The following GMEB2 variants were observed in gnomAD, a reference collection of about 807,000 sequenced individuals.
GMEB2 encodes glucocorticoid modulatory element binding protein 2.
A neutral mutation model predicts 45.7 loss-of-function variants in GMEB2; 7 were observed. The observed-to-expected ratio is 0.15, with a 90% CI of 0.09 to 0.29. The LOEUF (loss-of-function observed/expected upper bound fraction) is 0.29. Ranked by LOEUF, GMEB2 falls within the 10% of genes least tolerant of loss-of-function variation. The pLI, the probability that GMEB2 is intolerant of heterozygous loss-of-function variation, is 1.00. For missense variants in GMEB2, 582 were observed against 739.2 expected (o/e 0.79, Z 2.47); for synonymous variants, 322 against 323.6 (o/e 1.00, Z 0.05).
At chr20:63,616,802 T>C (rs766248957) in intron 2 of GMEB2, among the ~76,000 whole-genome samples, 4 of 152,210 alleles carry the variant, frequency 2.6e-5, no homozygotes, top group Non-Finnish European at 4.4e-5. Flanking sequence ...GGCCCCTGCC[T>C]ACAGGACCCT....
At position 63,592,498 on chromosome 20, in the gene GMEB2, G is replaced by T. The variant is rs376633088; in HGVS notation, c.829+35C>A. 2.6e-5 allele frequency: 41 copies of T among 1,573,556 alleles called. No individual in the cohort carries two copies. The African/African-American group carries it at 5.2e-4, about 20-fold the overall frequency. ...CACCTCCTGCAGAGACTCCTGGGCT[G>T]AGTAGCCAGCAAGAGGGAAGATGCA... On this transcript the variant is annotated intron_variant, in intron 8 of 9. Coordinates refer to ENST00000370077, the MANE Select transcript of GMEB2 (RefSeq NM_012384.5). The surrounding 1 kb of genome is among the most constrained non-coding windows in gnomAD (Gnocchi z 8.2).
chr20:63,611,350 T>C lies in GMEB2; in HGVS notation c.132-6510A>G, dbSNP rs1044745936. Reference sequence around the variant, plus strand: ...GAAACAGGCTGGGCGTGGTGGCTCATGCCTATAATCCCAGCACTTTGGGAG... The same window carrying C: ...GAAACAGGCTGGGCGTGGTGGCTCACGCCTATAATCCCAGCACTTTGGGAG... On this transcript the variant is annotated intron_variant, in intron 2 of 9. Transcript: ENST00000370077. Among the ~76,000 whole-genome samples the C allele has an allele frequency of 2.0e-5, 3 of 152,308 alleles. No homozygotes were observed. The South Asian group carries it at 6.2e-4, about 32-fold the overall frequency.
At chr20:63,614,301 T>C (rs866214669) in intron 2 of GMEB2, among the ~76,000 whole-genome samples, 5 of 152,044 alleles carry the variant, frequency 3.3e-5, no homozygotes, top group Admixed American at 6.5e-5. Context: ...TAGGAAAAAC[T>C]AGGCCATACA....
intron 3 of GMEB2, 23 bp from the exon 4 acceptor site, chr20:63,603,115 G>A (rs1393126370): frequency 1.2e-6 from 2 of 1,613,050 alleles, no homozygotes; most frequent in East Asian, 2.2e-5. Flanking sequence ...ACATTGACAG[G>A]GAAGGGTAAA....
chr20:63,618,063 C>T (rs544716878), intron 2 of GMEB2, among the ~76,000 whole-genome samples: 2 of 152,378 alleles, frequency 1.3e-5, no homozygotes, highest in East Asian at 3.9e-4. Context: ...GCCACGGCGT[C>T]CCAAGGGAGG....
chr20:63,603,221 T>G, intron 3 of GMEB2, 129 bp from the exon 4 acceptor site: 2 of 1,019,760 alleles, frequency 2.0e-6, no homozygotes. Context: ...CAGGAAGGCC[T>G]GAGATAGAGC....
chr20:63,609,440 C>T (rs1431837657), intron 2 of GMEB2, among the ~76,000 whole-genome samples: 1 of 112,924 alleles, frequency 8.9e-6, no homozygotes, highest in Non-Finnish European at 2.0e-5. Context: ...TAGAAACATG[C>T]CCCTCTCACC....
intron 6 of GMEB2, among the ~76,000 whole-genome samples, chr20:63,594,163 G>A (rs1264743521): frequency 6.6e-6 from 1 of 152,240 alleles, no homozygotes; most frequent in African/African-American, 2.4e-5. Flanking sequence ...TCGTTTTTCC[G>A]AGTTGGGGCT....
chr20:63,615,579 G>C (rs916052939), intron 2 of GMEB2, among the ~76,000 whole-genome samples: 1 of 152,162 alleles, frequency 6.6e-6, no homozygotes, highest in African/African-American at 2.4e-5. Flanking sequence ...TCCCACCTCA[G>C]CCTCCCAAAG....
At chr20:63,621,672 A>G (rs1601036277) in intron 1 of GMEB2, among the ~76,000 whole-genome samples, 1 of 99,024 alleles carries the variant, frequency 1.0e-5, no homozygotes, top group African/African-American at 2.9e-5. Flanking sequence ...CATCTCAAAA[A>G]AAAAAAAAAA....
At chr20:63,626,024 T>C (rs941322192) in intron 1 of GMEB2, among the ~76,000 whole-genome samples, 3 of 152,260 alleles carry the variant, frequency 2.0e-5, no homozygotes, top group African/African-American at 7.2e-5. Flanking sequence ...TCACGACTTT[T>C]CAGTCACGCA....
At chr20:63,618,258 A>G (rs1272014129) in intron 2 of GMEB2, among the ~76,000 whole-genome samples, 4 of 152,222 alleles carry the variant, frequency 2.6e-5, no homozygotes, top group Non-Finnish European at 5.9e-5. Context: ...GCATTTCCAG[A>G]CATGGCCACC....
rs76237669 is a variant in GMEB2, at chr20:63,602,622, T to C, written c.357+343A>G. ...TCCACCACAGGTGAGCCTGGGCACCTGACCTATCAGTATTGTCAGAAAGAG... is the reference window on the plus strand; with the variant it reads ...TCCACCACAGGTGAGCCTGGGCACCCGACCTATCAGTATTGTCAGAAAGAG... On this transcript the variant is annotated intron_variant, in intron 4 of 9. Transcript: ENST00000370077. Among the ~76,000 whole-genome samples the C allele has an allele frequency of 3.5e-3, 539 of 152,336 alleles. 4 individuals carry two copies. Among genetic ancestry groups the C allele is most frequent in the African/African-American group, 0.01 (433 of 41,572 alleles).
intron 4 of GMEB2, among the ~76,000 whole-genome samples, chr20:63,601,544 T>TC: frequency 6.6e-6 from 1 of 152,002 alleles, no homozygotes; most frequent in East Asian, 1.9e-4. Flanking sequence ...TTTCTTTTTT[T>TC]TTTTTTTAAG....
chr20:63,619,485 G>T lies in GMEB2; in HGVS notation c.-57-31C>A. 1 of 1,361,112 alleles carries T rather than the reference G, an allele frequency of 7.3e-7. No individual in the cohort carries two copies. The highest frequency in any genetic ancestry group is 1.0e-6 in the Non-Finnish European group (1 of 986,286). 84.3% of individuals were successfully genotyped at this position (1,361,112 alleles called of 1,614,324 possible). On this transcript the variant is annotated intron_variant, in intron 1 of 9. Transcript: ENST00000370077. This position sits in a 1 kb window ranked among gnomAD's most constrained non-coding sequence, Gnocchi z 4.6. ...GGAAGCAAGGCAGGGCACAGGGATGGAGTCATCTCCACATCCACACAACAT... is the reference window on the plus strand; with the variant it reads ...GGAAGCAAGGCAGGGCACAGGGATGTAGTCATCTCCACATCCACACAACAT...
intron 2 of GMEB2, among the ~76,000 whole-genome samples, chr20:63,618,029 G>A (rs986986698): frequency 2.0e-5 from 3 of 148,482 alleles, no homozygotes; most frequent in Non-Finnish European, 3.0e-5. Flanking sequence ...CTGAGGAGAC[G>A]TGGACACCAC....
chr20:63,623,882 C>A (rs1297881674), intron 1 of GMEB2, among the ~76,000 whole-genome samples: 2 of 151,630 alleles, frequency 1.3e-5, no homozygotes, highest in Non-Finnish European at 2.9e-5. Flanking sequence ...GAGGCCGAGG[C>A]GAGCAGATCA....
Position 63,606,877 on chromosome 20 carries a change from TC to T in GMEB2, c.132-2038del, listed in dbSNP as rs1601021151. Reference sequence around the variant, plus strand: ...CAGAAACCAGTACATGAGGCCACTTTCCCCTAGAGAGCCCACAGGAAGGAAC... The same window carrying T: ...CAGAAACCAGTACATGAGGCCACTTTCCCTAGAGAGCCCACAGGAAGGAAC... On this transcript the variant is annotated intron_variant, in intron 2 of 9. Coordinates refer to ENST00000370077, the MANE Select transcript of GMEB2 (RefSeq NM_012384.5). 3.3e-5 allele frequency among the ~76,000 whole-genome samples: 5 copies of T among 152,182 alleles called. No homozygotes were observed. The East Asian group carries it at 9.7e-4, about 29-fold the overall frequency.
intron 1 of GMEB2, among the ~76,000 whole-genome samples, chr20:63,625,603 C>T (rs146427352): frequency 7.0e-6 from 1 of 143,720 alleles, no homozygotes; most frequent in Non-Finnish European, 1.5e-5. Flanking sequence ...TTTTATTTTA[C>T]TTTTTTTTTT....
Sources: gnomAD v4.1 joint callset for allele counts (sites outside exome capture counted in the v4.1 genomes callset) on GRCh38, gnomAD v4.1.1 for gene constraint, Gnocchi (gnomAD v3.1) non-coding constraint, MANE v1.5 for transcripts, NCBI Gene and HGNC (gene_info 2026-07-23, HGNC 2026-07-21) for gene names.